The following MLIP variants were observed in gnomAD, a reference collection of about 807,000 sequenced individuals.
MLIP encodes muscular LMNA-interacting protein.
Under a neutral mutation model 84.8 loss-of-function variants are expected in MLIP, and 79 were observed. The observed-to-expected ratio is 0.93, with a 90% CI of 0.78 to 1.12. The LOEUF is 1.12. Among genes scored for constraint, MLIP ranks in the 50% most tolerant of loss-of-function variants. The pLI is 0.00. For missense variants in MLIP, 1,257 were observed against 1,160.6 expected (o/e 1.08, Z -1.21); for synonymous variants, 504 against 463.0 (o/e 1.09, Z -1.14).
chr6:54,253,462 C>T (rs2150881955), intron 12 of MLIP, among the ~76,000 whole-genome samples: 1 of 152,264 alleles, frequency 6.6e-6, no homozygotes, highest in East Asian at 1.9e-4. Context: ...CTCAGCTTCA[C>T]AATTTCGGGC....
intron 13 of MLIP, among the ~76,000 whole-genome samples, chr6:54,257,870 A>G (rs1018072284): frequency 2.0e-5 from 3 of 152,126 alleles, no homozygotes; most frequent in East Asian, 1.9e-4. Flanking sequence ...CAGCTCAATC[A>G]TAGCCTCTAC....
intron 10 of MLIP, among the ~76,000 whole-genome samples, chr6:54,201,253 T>C (rs1778657538): frequency 6.6e-6 from 1 of 152,134 alleles, no homozygotes; most frequent in African/African-American, 2.4e-5. Context: ...ATTCTTTGGA[T>C]TGCAAGTGAC....
upstream of MLIP, among the ~76,000 whole-genome samples, chr6:54,110,802 TGTCTGCA>T (rs900280232): frequency 6.6e-6 from 1 of 152,348 alleles, no homozygotes; most frequent in Non-Finnish European, 1.5e-5. Flanking sequence ...TTTTAAGGTT[TGTCTGCA>T]GTCAGGATTC....
At chr6:54,245,042 G>A (rs985770781) in intron 12 of MLIP, among the ~76,000 whole-genome samples, 6 of 152,132 alleles carry the variant, frequency 3.9e-5, no homozygotes, top group Non-Finnish European at 5.9e-5. Context: ...GACTATGCTT[G>A]TATTTTATGG....
intron 1 of MLIP, among the ~76,000 whole-genome samples, chr6:54,077,134 CA>C (rs1490890596): frequency 2.0e-5 from 3 of 152,118 alleles, no homozygotes; most frequent in Admixed American, 6.5e-5. Flanking sequence ...CTCTGCTATA[CA>C]AAACCTAAAT....
chr6:54,198,629 T>TAGTC (rs1466396392), intron 10 of MLIP, among the ~76,000 whole-genome samples: 2 of 152,136 alleles, frequency 1.3e-5, no homozygotes, highest in Admixed American at 1.3e-4. Flanking sequence ...TTAAAGGACA[T>TAGTC]AGTCATGTAT....
At chr6:54,239,191 G>A (rs1209915484) in intron 12 of MLIP, among the ~76,000 whole-genome samples, 3 of 151,394 alleles carry the variant, frequency 2.0e-5, no homozygotes, top group Admixed American at 1.3e-4. Context: ...CTCTCCATTC[G>A]TCTTGCCCAG....
At chr6:54,159,232 A>T (rs535226744) in intron 5 of MLIP, among the ~76,000 whole-genome samples, 4 of 151,996 alleles carry the variant, frequency 2.6e-5, no homozygotes, top group African/African-American at 7.2e-5. Flanking sequence ...TCTTATATCA[A>T]TCTAGGCTTA....
chr6:54,227,906 G>A (rs965944208), intron 11 of MLIP, among the ~76,000 whole-genome samples: 1 of 152,202 alleles, frequency 6.6e-6, no homozygotes, highest in Non-Finnish European at 1.5e-5. Context: ...GATCCAGGCC[G>A]GGCGCAGTGG....
chr6:54,091,345 ATATGGAAAAT>A (rs1458895810), intron 1 of MLIP, among the ~76,000 whole-genome samples: 11 of 152,206 alleles, frequency 7.2e-5, no homozygotes, highest in African/African-American at 1.4e-4. Context: ...ACTTAATTAA[ATATGGAAAAT>A]TATGGAAAAT....
intron 1 of MLIP, among the ~76,000 whole-genome samples, chr6:54,077,840 G>A (rs949036315): frequency 3.3e-5 from 5 of 152,294 alleles, no homozygotes; most frequent in Admixed American, 2.0e-4. Context: ...CTCAAGATAT[G>A]TGTTTTCTTG....
intron 10 of MLIP, among the ~76,000 whole-genome samples, chr6:54,191,879 A>C (rs1562040193): frequency 1.3e-5 from 2 of 151,906 alleles, no homozygotes; most frequent in Admixed American, 6.6e-5. Flanking sequence ...ATAGTATATA[A>C]AATATAGATT....
intron 9 of MLIP, among the ~76,000 whole-genome samples, chr6:54,188,487 TG>T (rs1227233660): frequency 1.3e-5 from 2 of 152,138 alleles, no homozygotes; most frequent in African/African-American, 4.8e-5. Flanking sequence ...AAGCTTTTTT[TG>T]TTAAACACCA....
At chr6:54,164,229 AT>A (rs561201169) in intron 8 of MLIP, among the ~76,000 whole-genome samples, 131 of 151,876 alleles carry the variant, frequency 8.6e-4, no homozygotes, top group Middle Eastern at 3.4e-3. Context: ...TTTGATCATT[AT>A]TTTTACAAAT....
intron 9 of MLIP, among the ~76,000 whole-genome samples, chr6:54,187,651 A>G (rs1777524240): frequency 6.6e-6 from 1 of 152,190 alleles, no homozygotes; most frequent in African/African-American, 2.4e-5. Flanking sequence ...GTATAAAGTG[A>G]CAAAAATATA....
chr6:54,087,502 T>C (rs1044839568), intron 1 of MLIP, among the ~76,000 whole-genome samples: 2 of 152,072 alleles, frequency 1.3e-5, no homozygotes, highest in Non-Finnish European at 2.9e-5. Context: ...AAATCAGGGA[T>C]AAAAAATAGT....
intron 13 of MLIP, among the ~76,000 whole-genome samples, chr6:54,258,678 A>G (rs79843207): frequency 0.015 from 2,240 of 152,164 alleles, 55 homozygotes; most frequent in African/African-American, 0.05. Flanking sequence ...AGAGGTTACT[A>G]TACATTAGAA....
At chr6:54,221,904 T>C (rs906037008) in intron 11 of MLIP, among the ~76,000 whole-genome samples, 5 of 151,970 alleles carry the variant, frequency 3.3e-5, no homozygotes, top group African/African-American at 1.2e-4. Context: ...TATACACAAA[T>C]TTATCTGATC....
At chr6:54,095,994 C>A (rs539758204) in intron 1 of MLIP, among the ~76,000 whole-genome samples, 1 of 151,718 alleles carries the variant, frequency 6.6e-6, no homozygotes, top group African/African-American at 2.4e-5. Context: ...AGCAGGTAGG[C>A]GATGTATGAA....
Sources: gnomAD v4.1 joint callset for allele counts (sites outside exome capture counted in the v4.1 genomes callset) on GRCh38, gnomAD v4.1.1 for gene constraint, MANE v1.5 for transcripts, NCBI Gene and HGNC (gene_info 2026-07-23, HGNC 2026-07-21) for gene names.